SNX30: variants seen among roughly 807,000 people sequenced by gnomAD.
SNX30 encodes sorting nexin-30.
Under a neutral mutation model 46.4 loss-of-function variants are expected in SNX30, and 24 were observed. That is an observed-to-expected ratio of 0.52 (90% CI 0.37 to 0.73). The LOEUF (loss-of-function observed/expected upper bound fraction) is 0.73. Ranked by LOEUF, SNX30 falls within the 30% of genes least tolerant of loss-of-function variation. SNX30 has a pLI of 0.00. For synonymous variants in SNX30, 189 were observed against 211.5 expected (o/e 0.89, Z 0.92); for missense variants, 533 against 555.7 (o/e 0.96, Z 0.41).
chr9:112,785,684 G>A (rs1293819489), intron 1 of SNX30, among the ~76,000 whole-genome samples: 5 of 151,602 alleles, frequency 3.3e-5, no homozygotes, highest in South Asian at 2.1e-4. Flanking sequence ...ACGCCTGGCC[G>A]TGCCTGGCTA....
chr9:112,880,536 T>C (rs1421674112), intron 5 of SNX30: 1 of 153,996 alleles, frequency 6.5e-6, no homozygotes, highest in Non-Finnish European at 1.5e-5. Context: ...CAATCAGCGA[T>C]CCCTACACTA....
chr9:112,804,025 C>A (rs1226081901), intron 1 of SNX30, among the ~76,000 whole-genome samples: 1 of 143,414 alleles, frequency 7.0e-6, no homozygotes, highest in African/African-American at 2.6e-5. Context: ...CACTGGCCTG[C>A]GCCCACTGTC....
intron 7 of SNX30, among the ~76,000 whole-genome samples, chr9:112,858,525 AAAAAT>A (rs1398840705): frequency 6.6e-6 from 1 of 152,210 alleles, no homozygotes; most frequent in Non-Finnish European, 1.5e-5. Flanking sequence ...AAAATAAATA[AAAAAT>A]AAAAGTAAAA....
At chr9:112,861,415 A>G (rs919095405) in intron 7 of SNX30, among the ~76,000 whole-genome samples, 3 of 152,202 alleles carry the variant, frequency 2.0e-5, no homozygotes, top group Non-Finnish European at 4.4e-5. Flanking sequence ...ATGACAGCCT[A>G]GTGAGGCGGA....
chr9:112,819,536 G>C (rs1368881379), intron 3 of SNX30, among the ~76,000 whole-genome samples: 1 of 151,876 alleles, frequency 6.6e-6, no homozygotes, highest in African/African-American at 2.4e-5. Flanking sequence ...CAAAGTGCTG[G>C]GATTACAGGT....
At chr9:112,843,885 G>A (rs565830143) in intron 6 of SNX30, among the ~76,000 whole-genome samples, 46 of 152,242 alleles carry the variant, frequency 3.0e-4, no homozygotes, top group African/African-American at 9.9e-4. Flanking sequence ...ATGCAGTAGC[G>A]TCTTAAAGAC....
intron 7 of SNX30, among the ~76,000 whole-genome samples, chr9:112,854,516 G>A (rs1054884525): frequency 1.3e-5 from 2 of 152,204 alleles, no homozygotes; most frequent in South Asian, 2.1e-4. Flanking sequence ...CACTGTGGCT[G>A]GGCCATCTTC....
chr9:112,758,008 C>T (rs1412718149), intron 1 of SNX30, among the ~76,000 whole-genome samples: 2 of 152,198 alleles, frequency 1.3e-5, no homozygotes, highest in South Asian at 4.1e-4. Flanking sequence ...TGAAACTTTT[C>T]TCTGCTCCTC....
At chr9:112,840,786 CT>C (rs1367432295) in intron 6 of SNX30, among the ~76,000 whole-genome samples, 42 of 134,900 alleles carry the variant, frequency 3.1e-4, no homozygotes, top group Admixed American at 3.0e-4. Context: ...GCTGATATTT[CT>C]TTTTTTTTTT....
chr9:112,781,355 A>T (rs1291443428), intron 1 of SNX30, among the ~76,000 whole-genome samples: 2 of 152,144 alleles, frequency 1.3e-5, no homozygotes, highest in African/African-American at 4.8e-5. Flanking sequence ...ACCTATTTTC[A>T]TGTATGTTCA....
chr9:112,779,431 G>A (rs1158467306), intron 1 of SNX30, among the ~76,000 whole-genome samples: 6 of 152,086 alleles, frequency 3.9e-5, no homozygotes, highest in African/African-American at 9.7e-5. Flanking sequence ...GCATGGTGGC[G>A]CATGCCTGTA....
At chr9:112,852,098 G>A (rs903818386) in intron 7 of SNX30, among the ~76,000 whole-genome samples, 4 of 152,224 alleles carry the variant, frequency 2.6e-5, no homozygotes, top group African/African-American at 7.2e-5. Flanking sequence ...CTCGGAACTC[G>A]TCAGTGGGGC....
chr9:112,784,307 A>T (rs1426204967), intron 1 of SNX30, among the ~76,000 whole-genome samples: 2 of 152,006 alleles, frequency 1.3e-5, no homozygotes, highest in Admixed American at 1.3e-4. Flanking sequence ...TTTTTTCTGC[A>T]TGCTTTTTTC....
intron 7 of SNX30, among the ~76,000 whole-genome samples, chr9:112,863,626 T>C (rs1228925791): frequency 6.6e-6 from 1 of 152,254 alleles, no homozygotes; most frequent in Non-Finnish European, 1.5e-5. Context: ...CCTCCTGTTT[T>C]CTCAGACTTC....
chr9:112,809,564 TAA>T (rs34041084), intron 2 of SNX30, among the ~76,000 whole-genome samples: 3 of 145,338 alleles, frequency 2.1e-5, no homozygotes, highest in Non-Finnish European at 1.5e-5. Context: ...CAGTGGTGTG[TAA>T]AAAAAAAAAG....
At chr9:112,837,550 A>G (rs915834806) in intron 5 of SNX30, among the ~76,000 whole-genome samples, 1 of 151,740 alleles carries the variant, frequency 6.6e-6, no homozygotes, top group African/African-American at 2.4e-5. Context: ...ATCTCGGCTC[A>G]CTGCAAGCGC....
At chr9:112,796,838 G>A (rs950160355) in intron 1 of SNX30, among the ~76,000 whole-genome samples, 27 of 151,944 alleles carry the variant, frequency 1.8e-4, no homozygotes, top group African/African-American at 6.0e-4. Flanking sequence ...CAGATGTCCC[G>A]TCATCAGCTA....
chr9:112,832,485 T>TGAGAGA (rs1172185694), intron 4 of SNX30, among the ~76,000 whole-genome samples: 28 of 130,466 alleles, frequency 2.1e-4, no homozygotes, highest in African/African-American at 7.7e-4. Context: ...TGTGTGTGTG[T>TGAGAGA]GTGTGTGTGT....
intron 2 of SNX30, among the ~76,000 whole-genome samples, chr9:112,805,606 T>C (rs1352558853): frequency 1.3e-5 from 2 of 152,152 alleles, no homozygotes; most frequent in African/African-American, 4.8e-5. Flanking sequence ...GTAGCTGAGA[T>C]TATAGGCATG....
Sources: gnomAD v4.1 joint callset for allele counts (sites outside exome capture counted in the v4.1 genomes callset) on GRCh38, gnomAD v4.1.1 for gene constraint, MANE v1.5 for transcripts, NCBI Gene and HGNC (gene_info 2026-07-23, HGNC 2026-07-21) for gene names.